The following SPATS2 variants were observed in gnomAD, a reference collection of about 807,000 sequenced individuals.
SPATS2 encodes the protein spermatogenesis-associated serine-rich protein 2.
Under a neutral mutation model 63.7 loss-of-function variants are expected in SPATS2, and 38 were observed. That is an observed-to-expected ratio of 0.60 (90% CI 0.46 to 0.78). The LOEUF is 0.78. SPATS2 is among the 30% of genes least tolerant of loss of function. SPATS2 has a pLI of 0.00. For synonymous variants in SPATS2, 207 were observed against 232.9 expected, an observed-to-expected ratio of 0.89 and a Z score of 1.01; for missense variants, 588 against 666.2, an observed-to-expected ratio of 0.88 and a Z score of 1.29.
At chr12:49,502,480 T>C (rs1365485483) in intron 9 of SPATS2, among the ~76,000 whole-genome samples, 6 of 152,202 alleles carry the variant, frequency 3.9e-5, no homozygotes, top group African/African-American at 1.4e-4. Flanking sequence ...AGACAGGGTC[T>C]GGCTCTGTCA....
intron 4 of SPATS2, among the ~76,000 whole-genome samples, chr12:49,485,147 G>C (rs1263834779): frequency 1.4e-5 from 2 of 147,682 alleles, no homozygotes; most frequent in Admixed American, 1.4e-4. Flanking sequence ...CTCACTGCAA[G>C]CTCTGCCTTC....
At chr12:49,516,004 G>T (rs1466110180) in intron 10 of SPATS2, among the ~76,000 whole-genome samples, 1 of 151,026 alleles carries the variant, frequency 6.6e-6, no homozygotes, top group African/African-American at 2.4e-5. Context: ...GCTGGGCATG[G>T]TGGCACACGC....
At chr12:49,427,518 A>G (rs76704578) in intron 2 of SPATS2, among the ~76,000 whole-genome samples, 14,018 of 152,208 alleles carry the variant, frequency 0.092, 757 homozygotes, top group African/African-American at 0.14. Flanking sequence ...TTTCTCTTGT[A>G]CTTGAATTTC....
At chr12:49,468,463 TTTTTTGTTTTTG>T (rs201223481) in intron 3 of SPATS2, among the ~76,000 whole-genome samples, 8,128 of 146,542 alleles carry the variant, frequency 0.055, 310 homozygotes, top group Non-Finnish European at 0.078. Flanking sequence ...CCCGGCCTTT[TTTTTTGTTTTTG>T]TTTTTGTTTT....
At chr12:49,498,490 A>T (rs76324164) in intron 8 of SPATS2, among the ~76,000 whole-genome samples, 1 of 152,250 alleles carries the variant, frequency 6.6e-6, no homozygotes, top group East Asian at 1.9e-4. Flanking sequence ...TAATGTCCAC[A>T]TGGTGAATTA....
At chr12:49,495,093 T>G (rs1326517424) in intron 7 of SPATS2, 91 bp downstream of exon 7, 1 of 1,329,388 alleles carries the variant, frequency 7.5e-7, no homozygotes, top group Non-Finnish European at 9.9e-7. Flanking sequence ...ATCTAGTTAG[T>G]CTTTTTTTAT....
intron 1 of SPATS2, among the ~76,000 whole-genome samples, chr12:49,370,306 G>A (rs1943975990): frequency 6.6e-6 from 1 of 152,154 alleles, no homozygotes; most frequent in African/African-American, 2.4e-5. Flanking sequence ...TTAAAACTGG[G>A]AACTAAAAGT....
At chr12:49,485,585 C>T (rs1245939287) in intron 4 of SPATS2, among the ~76,000 whole-genome samples, 2 of 151,864 alleles carry the variant, frequency 1.3e-5, no homozygotes, top group African/African-American at 2.4e-5. Context: ...TGATCGCAAA[C>T]TCCTGGCCTC....
At chr12:49,485,114 T>C (rs61941165) in intron 4 of SPATS2, among the ~76,000 whole-genome samples, 6,873 of 150,892 alleles carry the variant, frequency 0.046, 218 homozygotes, top group Non-Finnish European at 0.068. Flanking sequence ...TCACCCAGGC[T>C]GGAGTGCAGT....
Position 49,481,458 on chromosome 12 carries a change from A to ATTTT in SPATS2, c.26-3109_26-3106dup, listed in dbSNP as rs1013711085. 1.4e-4 allele frequency among the ~76,000 whole-genome samples: 14 copies of ATTTT among 97,812 alleles called. 1 individual carries two copies. Among genetic ancestry groups the ATTTT allele is most frequent in the Non-Finnish European group, 2.1e-4 (11 of 52,780 alleles). The allele number at this position is 97,812 out of a possible 152,430, so 64.2% of individuals were successfully genotyped here. A position where few individuals can be genotyped will look rare whatever the true frequency, so the allele number is the denominator to read the frequency against. On this transcript the variant is annotated intron_variant, in intron 3 of 13. Transcript: ENST00000552918. ...AGCTCAACAAGCTCAAGGCTTCCTC[A>ATTTT]TTTTTTTTTTTTTTTTTTTTTTTTT...
At chr12:49,515,640 T>C (rs1430812686) in intron 10 of SPATS2, among the ~76,000 whole-genome samples, 1 of 152,248 alleles carries the variant, frequency 6.6e-6, no homozygotes, top group Admixed American at 6.5e-5. Context: ...TTCAGTCCAT[T>C]ATTTTATCTG....
rs567157704 is a variant in SPATS2, at chr12:49,523,173, T to C, written c.1111+320T>C. ...CCCTACAGTAACCTCATTTTACTCC[T>C]CTCCAGAGTGGAGATAACAGGCCAC... On this transcript the variant is annotated intron_variant, in intron 12 of 13. Transcript: ENST00000552918. 2.5e-3 allele frequency among the ~76,000 whole-genome samples: 384 copies of C among 152,202 alleles called. 2 individuals are homozygous for C. Among genetic ancestry groups the C allele is most frequent in the South Asian group, 6.4e-3 (31 of 4,824 alleles).
chr12:49,471,783 C>T (rs956025509), intron 3 of SPATS2, among the ~76,000 whole-genome samples: 1 of 152,034 alleles, frequency 6.6e-6, no homozygotes, highest in Non-Finnish European at 1.5e-5. Flanking sequence ...CTTACCATTC[C>T]CTCCCAGTTG....
chr12:49,445,156 G>A (rs1250880174), intron 2 of SPATS2, among the ~76,000 whole-genome samples: 1 of 152,148 alleles, frequency 6.6e-6, no homozygotes, highest in Non-Finnish European at 1.5e-5. Context: ...GAAAACAAGT[G>A]ATGAGGTGTG....
chr12:49,516,573 G>T (rs1372967940), intron 10 of SPATS2, among the ~76,000 whole-genome samples: 1 of 151,670 alleles, frequency 6.6e-6, no homozygotes, highest in Non-Finnish European at 1.5e-5. Context: ...GGGCATGGTG[G>T]CATGCGCCTG....
rs183152890 is a variant in SPATS2, at chr12:49,456,551, A to G, written c.-243-4219A>G. ...GCTTTCAGCAGCAGAAGTGGGACATAATCTGTCTTATAATTTTAATAGCAG... is the reference window on the plus strand; with the variant it reads ...GCTTTCAGCAGCAGAAGTGGGACATGATCTGTCTTATAATTTTAATAGCAG... On this transcript the variant is annotated intron_variant, in intron 2 of 13. Transcript: ENST00000552918. Among the ~76,000 whole-genome samples the G allele has an allele frequency of 2.1e-3, 322 of 152,334 alleles. 3 individuals are homozygous for G. The highest frequency in any genetic ancestry group is 7.1e-3 in the African/African-American group (294 of 41,578).
At chr12:49,522,640 T>C in intron 11 of SPATS2, 111 bp from the exon 12 acceptor site, 1 of 820,044 alleles carries the variant, frequency 1.2e-6, no homozygotes, top group Non-Finnish European at 1.9e-6. Context: ...TTAATAAACT[T>C]TGAAGCAATA....
chr12:49,508,994 G>A (rs1252758884), intron 9 of SPATS2, among the ~76,000 whole-genome samples: 4 of 151,916 alleles, frequency 2.6e-5, no homozygotes, highest in South Asian at 4.2e-4. Flanking sequence ...AACCGGGGAC[G>A]CAAAGGTTGC....
chr12:49,389,825 G>A (rs1385979239), intron 2 of SPATS2: 2 of 919,448 alleles, frequency 2.2e-6, no homozygotes, highest in Non-Finnish European at 3.7e-6. Flanking sequence ...CGATGAGCAA[G>A]TATCGAGAAC....
Sources: allele counts gnomAD v4.1 joint callset (sites outside exome capture counted in the v4.1 genomes callset), GRCh38; gene constraint gnomAD v4.1.1; transcripts MANE v1.5; gene names NCBI Gene and HGNC (gene_info 2026-07-23, HGNC 2026-07-21).